The following MBD2 variants were observed in gnomAD, a reference collection of about 807,000 sequenced individuals.
MBD2 encodes methyl-CpG-binding domain protein 2.
MBD2 carries 9 observed loss-of-function variants against 39.3 expected under a neutral mutation model. The ratio of observed to expected loss-of-function variants is 0.23; its 90% CI spans 0.14 to 0.40. MBD2 has a LOEUF of 0.40. Ranked by LOEUF, MBD2 falls within the 10% of genes least tolerant of loss-of-function variation. MBD2 has a pLI of 1.00. For synonymous variants in MBD2, 233 were observed against 211.1 expected (o/e 1.10, Z -0.90); for missense variants, 458 against 532.6 (o/e 0.86, Z 1.38).
chr18:54,224,343 C>G lies in MBD2; in HGVS notation c.217G>C (p.Val73Leu). The G allele has an allele frequency of 9.3e-7, 1 of 1,078,258 alleles. No homozygotes were observed. The highest frequency in any genetic ancestry group is 1.1e-6 in the Non-Finnish European group (1 of 888,882). The allele number at this position is 1,078,258 out of a possible 1,614,324, so 66.8% of individuals were successfully genotyped here. Reference protein sequence around the residue: ...RWKQAGRGGGVCGRGRGRGRG... With the variant: ...RWKQAGRGGGLCGRGRGRGRG... ...CCCCGGCCCCGGCCACGGCCACAGA[C>G]GCCGCCGCCCCGGCCCGCCTGCTTC... The change falls in exon 1 of 7, where the codon GTC becomes CTC. Residue 73 changes from valine (V) to leucine (L), a missense_variant. Coordinates refer to ENST00000256429, the MANE Select transcript of MBD2 (RefSeq NM_003927.5).
chr18:54,214,214 G>C (rs1209689777), intron 1 of MBD2, among the ~76,000 whole-genome samples: 1 of 147,006 alleles, frequency 6.8e-6, no homozygotes, highest in African/African-American at 2.5e-5. Context: ...TTTTTTTTTA[G>C]AGACAGGGTC....
chr18:54,219,521 T>C (rs141498974), intron 1 of MBD2, among the ~76,000 whole-genome samples: 5 of 152,264 alleles, frequency 3.3e-5, no homozygotes, highest in African/African-American at 9.6e-5. Context: ...TTTAACTACA[T>C]AGGAATTATG....
rs1196504749 is a variant in MBD2 at position 54,224,475 on chromosome 18, C to G, written c.85G>C (p.Asp29His). The G allele has an allele frequency of 1.7e-5, 21 of 1,231,496 alleles. No individual in the cohort carries two copies. Among genetic ancestry groups the G allele is most frequent in the Middle Eastern group, 3.1e-4 (1 of 3,210 alleles). The allele number at this position is 1,231,496 out of a possible 1,614,324, so 76.3% of individuals were successfully genotyped here. A position where few individuals can be genotyped will look rare whatever the true frequency, so the allele number is the denominator to read the frequency against. Residue 29 changes from aspartate (D) to histidine (H), a missense_variant, in exon 1 of 7, where the codon GAC (aspartate) becomes CAC (histidine). This residue lies in a region of MBD2 where 269 missense variants were observed against 236.0 expected (regional missense o/e 1.14). Transcript: ENST00000256429. ...TGGCCCCCCTGCTCTATGGCGGAGT[C>G]GCCGCCAGCGCCGCTGCCGCCCGCC... is the stretch of plus-strand genomic sequence containing the variant. Reference protein sequence around the residue: ...SAAGGSGAGGDSAIEQGGQGS... With the variant: ...SAAGGSGAGGHSAIEQGGQGS...
intron 4 of MBD2, 22 bp from the exon 5 acceptor site, chr18:54,164,722 A>G (rs768736181): frequency 6.3e-7 from 1 of 1,583,490 alleles, no homozygotes; most frequent in Non-Finnish European, 8.7e-7. Context: ...AACAAGTACT[A>G]GTTAAAGGAA....
intron 1 of MBD2, among the ~76,000 whole-genome samples, chr18:54,221,694 G>C (rs1038360999): frequency 9.3e-5 from 14 of 149,920 alleles, no homozygotes; most frequent in Admixed American, 1.3e-4. Flanking sequence ...ACTTGAACCC[G>C]AGAGGCGGAG....
At chr18:54,195,234 T>A (rs1262146994) in intron 2 of MBD2, among the ~76,000 whole-genome samples, 1 of 152,074 alleles carries the variant, frequency 6.6e-6, no homozygotes. Context: ...TACCACTTTT[T>A]TTCAGTATGG....
At position 54,166,770 on chromosome 18, in the gene MBD2, C is replaced by A. The variant is rs1330898695; in HGVS notation, c.841-604G>T. Among the ~76,000 whole-genome samples, 3 of 152,308 alleles carry A rather than the reference C, an allele frequency of 2.0e-5. No individual in the cohort carries two copies. In the East Asian group the frequency reaches 5.8e-4, roughly 29 times the overall value. On this transcript the variant is annotated intron_variant, in intron 3 of 6. Coordinates refer to ENST00000256429, the MANE Select transcript of MBD2 (RefSeq NM_003927.5). Reference sequence around the variant, plus strand: ...TGCACAGGGCCTGGGTCACCATGGTCACTTAGTAGCCCCAGGTCATCATTA... The same window carrying A: ...TGCACAGGGCCTGGGTCACCATGGTAACTTAGTAGCCCCAGGTCATCATTA...
At chr18:54,207,651 A>T (rs1244828378) in intron 1 of MBD2, among the ~76,000 whole-genome samples, 1 of 152,258 alleles carries the variant, frequency 6.6e-6, no homozygotes, top group Non-Finnish European at 1.5e-5. Context: ...TTTCATGATT[A>T]ATGTGTTTTA....
chr18:54,203,885 G>C (rs560611685), intron 2 of MBD2, among the ~76,000 whole-genome samples: 62 of 152,316 alleles, frequency 4.1e-4, no homozygotes, highest in African/African-American at 1.5e-3. Flanking sequence ...TACTTTGCTA[G>C]ATGTTCTATA....
intron 1 of MBD2, among the ~76,000 whole-genome samples, chr18:54,209,497 T>C (rs2086482755): frequency 6.6e-6 from 1 of 152,198 alleles, no homozygotes; most frequent in Non-Finnish European, 1.5e-5. Context: ...GTTTTACAGA[T>C]GGAATTCTAT....
At chr18:54,185,958 A>G (rs1242092074) in intron 3 of MBD2, among the ~76,000 whole-genome samples, 1 of 152,108 alleles carries the variant, frequency 6.6e-6, no homozygotes, top group Non-Finnish European at 1.5e-5. Flanking sequence ...CAAGGAGTCA[A>G]TACATTAAAA....
chr18:54,224,487 C>G lies in MBD2; in HGVS notation c.73G>C (p.Gly25Arg). Residue 25 changes from glycine (G) to arginine (R), a missense_variant, in exon 1 of 7, where the codon GGC becomes CGC. Gly to Arg is a moderately radical substitution (Grantham distance 125, BLOSUM62 -2). Coordinates refer to ENST00000256429, the MANE Select transcript of MBD2 (RefSeq NM_003927.5). The stretch of plus-strand genomic sequence containing the variant: ...TCTATGGCGGAGTCGCCGCCAGCGC[C>G]GCTGCCGCCCGCCGCACTCTCCCCC... ...EEGESAAGGSGAGGDSAIEQG... is the reference protein window; with the variant it reads ...EEGESAAGGSRAGGDSAIEQG... 1 of 1,233,434 alleles carries G rather than the reference C, an allele frequency of 8.1e-7. No homozygotes were observed. Among genetic ancestry groups the G allele is most frequent in the African/African-American group, 1.6e-5 (1 of 64,030 alleles). 76.4% of individuals were successfully genotyped at this position (1,233,434 alleles called of 1,614,324 possible).
intron 3 of MBD2, among the ~76,000 whole-genome samples, chr18:54,177,391 C>T (rs2086218889): frequency 6.6e-6 from 1 of 152,102 alleles, no homozygotes; most frequent in Non-Finnish European, 1.5e-5. Context: ...ACTTTGATCT[C>T]TAATAGATAA....
At chr18:54,215,792 C>T (rs2086554100) in intron 1 of MBD2, among the ~76,000 whole-genome samples, 1 of 151,056 alleles carries the variant, frequency 6.6e-6, no homozygotes, top group Non-Finnish European at 1.5e-5. Flanking sequence ...CCAAGCCCGG[C>T]CTTTTTTTTT....
intron 3 of MBD2, among the ~76,000 whole-genome samples, chr18:54,182,099 T>A (rs948990130): frequency 6.6e-6 from 1 of 152,210 alleles, no homozygotes; most frequent in Non-Finnish European, 1.5e-5. Context: ...GGACTTTGTC[T>A]TGTTCACTGC....
chr18:54,168,684 A>C (rs1391791863), intron 3 of MBD2, among the ~76,000 whole-genome samples: 1 of 142,026 alleles, frequency 7.0e-6, no homozygotes, highest in Non-Finnish European at 1.5e-5. Context: ...TCCGCAACCC[A>C]GGGGAGAAAT....
intron 3 of MBD2, among the ~76,000 whole-genome samples, chr18:54,171,369 C>T (rs1239411310): frequency 6.6e-6 from 1 of 151,786 alleles, no homozygotes; most frequent in Non-Finnish European, 1.5e-5. Context: ...TGCACTCCAG[C>T]CTGGGTGACA....
intron 1 of MBD2, among the ~76,000 whole-genome samples, chr18:54,207,764 G>A (rs1264741985): frequency 2.0e-5 from 3 of 152,188 alleles, no homozygotes; most frequent in African/African-American, 4.8e-5. Context: ...ATAGCCAGGC[G>A]CAGTGGTTCA....
chr18:54,176,258 T>C (rs1454199946), intron 3 of MBD2, among the ~76,000 whole-genome samples: 1 of 152,268 alleles, frequency 6.6e-6, no homozygotes, highest in Non-Finnish European at 1.5e-5. Context: ...TAGATTTGCT[T>C]GGGCAAAGTA....
Sources: gnomAD v4.1 joint callset for allele counts (sites outside exome capture counted in the v4.1 genomes callset) on GRCh38, gnomAD v4.1.1 for gene constraint, gnomAD v4.1.1 regional missense constraint, MANE v1.5 for transcripts, NCBI Gene and HGNC (gene_info 2026-07-23, HGNC 2026-07-21) for gene names.